FGD4: variants seen among roughly 807,000 people sequenced by gnomAD.
FGD4 encodes the protein FYVE, RhoGEF and PH domain-containing protein 4.
In FGD4, 42 loss-of-function variants were observed where a neutral mutation model predicts 102.0. The observed-to-expected ratio is 0.41, with a 90% CI of 0.32 to 0.53. The LOEUF is 0.53. Ranked by LOEUF, FGD4 falls within the 20% of genes least tolerant of loss-of-function variation. The pLI is 0.21. For missense variants in FGD4, 902 were observed against 1,078.2 expected, an observed-to-expected ratio of 0.84 and a Z score of 2.29; for synonymous variants, 380 against 375.7, an observed-to-expected ratio of 1.01 and a Z score of -0.13.
intron 1 of FGD4, among the ~76,000 whole-genome samples, chr12:32,553,118 A>G (rs1229865926): frequency 6.6e-6 from 1 of 152,006 alleles, no homozygotes; most frequent in Admixed American, 6.6e-5. Context: ...TAACATGTCT[A>G]TGCAGGGACA....
intron 1 of FGD4, among the ~76,000 whole-genome samples, chr12:32,407,985 T>C (rs568348487): frequency 7.7e-6 from 1 of 129,714 alleles, no homozygotes; most frequent in East Asian, 2.0e-4. Context: ...TATTTATTTA[T>C]TTATTTATTT....
chr12:32,484,908 T>A (rs149613199), intron 1 of FGD4, among the ~76,000 whole-genome samples: 1 of 152,102 alleles, frequency 6.6e-6, no homozygotes, highest in South Asian at 2.1e-4. Context: ...AATCCCATCT[T>A]ATTTTTTAAG....
intron 1 of FGD4, among the ~76,000 whole-genome samples, chr12:32,523,416 A>G (rs1490787637): frequency 6.6e-6 from 1 of 152,186 alleles, no homozygotes; most frequent in Non-Finnish European, 1.5e-5. Context: ...ATCCTTCCCA[A>G]CTGAAACTCT....
At chr12:32,422,000 C>T (rs575867227) in intron 1 of FGD4, among the ~76,000 whole-genome samples, 133 of 151,566 alleles carry the variant, frequency 8.8e-4, no homozygotes, top group African/African-American at 3.0e-3. Flanking sequence ...AAATATTAGC[C>T]GGGTGTGGTG....
chr12:32,444,581 T>A (rs545061730), intron 1 of FGD4, among the ~76,000 whole-genome samples: 2 of 152,214 alleles, frequency 1.3e-5, no homozygotes, highest in African/African-American at 4.8e-5. Context: ...ATTTTTGTAT[T>A]TTTAGTAGAG....
intron 14 of FGD4, 146 bp downstream of exon 14, chr12:32,625,925 G>A (rs1173269321): frequency 2.8e-6 from 3 of 1,073,188 alleles, no homozygotes; most frequent in East Asian, 4.9e-5. Flanking sequence ...GGACTGTGCT[G>A]AGCCCTGGAG....
intron 15 of FGD4, 58 bp from the exon 16 acceptor site, chr12:32,638,597 A>G: frequency 6.2e-7 from 1 of 1,602,506 alleles, no homozygotes; most frequent in Non-Finnish European, 8.5e-7. Context: ...TACTTTGTGA[A>G]TATTTCTCTA....
intron 8 of FGD4, among the ~76,000 whole-genome samples, chr12:32,608,899 AATT>A (rs1397572119): frequency 1.3e-5 from 2 of 151,942 alleles, no homozygotes; most frequent in Non-Finnish European, 2.9e-5. Context: ...TTTCTTTTTA[AATT>A]ATTATTGTTG....
At chr12:32,438,977 T>C (rs1407207289) in intron 1 of FGD4, among the ~76,000 whole-genome samples, 2 of 152,204 alleles carry the variant, frequency 1.3e-5, no homozygotes, top group African/African-American at 2.4e-5. Flanking sequence ...TCTTCATTTT[T>C]TGATCGAGCT....
At chr12:32,507,227 A>G (rs940157008) in intron 1 of FGD4, among the ~76,000 whole-genome samples, 5 of 151,842 alleles carry the variant, frequency 3.3e-5, no homozygotes, top group Non-Finnish European at 5.9e-5. Flanking sequence ...ATGATTTCCA[A>G]TTTCATCCAT....
chr12:32,590,940 A>G (rs1947423048), intron 4 of FGD4, among the ~76,000 whole-genome samples: 1 of 152,230 alleles, frequency 6.6e-6, no homozygotes, highest in African/African-American at 2.4e-5. Flanking sequence ...GTGACATTCA[A>G]ATGTCCTTGT....
chr12:32,626,530 A>G (rs1300614426), intron 14 of FGD4, among the ~76,000 whole-genome samples: 1 of 152,066 alleles, frequency 6.6e-6, no homozygotes, highest in Non-Finnish European at 1.5e-5. Flanking sequence ...GAAAGTCTAT[A>G]TGCAAAGACC....
intron 1 of FGD4, among the ~76,000 whole-genome samples, chr12:32,536,955 G>A (rs1373314137): frequency 7.0e-6 from 1 of 142,966 alleles, no homozygotes. Flanking sequence ...ACAGAGTCTC[G>A]CTCTGTCACC....
At chr12:32,417,898 G>C (rs1941480508) in intron 1 of FGD4, among the ~76,000 whole-genome samples, 1 of 147,704 alleles carries the variant, frequency 6.8e-6, no homozygotes, top group African/African-American at 2.5e-5. Flanking sequence ...TGAATTCTTT[G>C]TCTGAAAGGT....
At chr12:32,579,226 T>C (rs953634595) in intron 3 of FGD4, among the ~76,000 whole-genome samples, 6 of 152,014 alleles carry the variant, frequency 3.9e-5, no homozygotes, top group African/African-American at 1.5e-4. Context: ...TTTGTATTTT[T>C]AGTAGAGACG....
chr12:32,620,148 T>C (rs1949720318), intron 11 of FGD4, among the ~76,000 whole-genome samples: 1 of 152,212 alleles, frequency 6.6e-6, no homozygotes, highest in East Asian at 1.9e-4. Flanking sequence ...GATGAAATTA[T>C]TGCCATCAAG....
chr12:32,489,576 C>T (rs751063720), intron 1 of FGD4, among the ~76,000 whole-genome samples: 3 of 152,120 alleles, frequency 2.0e-5, no homozygotes, highest in Non-Finnish European at 4.4e-5. Context: ...TTATAATTAT[C>T]TTGATTTTAC....
At chr12:32,525,268 CCCCAG>C (rs1202218446) in intron 1 of FGD4, among the ~76,000 whole-genome samples, 1 of 152,134 alleles carries the variant, frequency 6.6e-6, no homozygotes, top group Non-Finnish European at 1.5e-5. Context: ...GTGTAAAGTG[CCCCAG>C]CCTCATAACA....
At chr12:32,573,522 A>G (rs1465369961) in intron 2 of FGD4, among the ~76,000 whole-genome samples, 4 of 152,212 alleles carry the variant, frequency 2.6e-5, no homozygotes, top group Non-Finnish European at 4.4e-5. Flanking sequence ...TTCATTCATC[A>G]GTTAGGTATT....
Sources: gnomAD v4.1 joint callset for allele counts (sites outside exome capture counted in the v4.1 genomes callset) on GRCh38, gnomAD v4.1.1 for gene constraint, MANE v1.5 for transcripts, NCBI Gene and HGNC (gene_info 2026-07-23, HGNC 2026-07-21) for gene names.